Variants in UNC13A observed in about 807,000 individuals in gnomAD.
UNC13A encodes the protein protein unc-13 homolog A.
In UNC13A, 61 loss-of-function variants were observed where a neutral mutation model predicts 219.7. The observed-to-expected ratio is 0.28, with a 90% CI of 0.23 to 0.34. UNC13A has a LOEUF of 0.34. Ranked by LOEUF, UNC13A falls within the 10% of genes least tolerant of loss-of-function variation. UNC13A has a pLI of 1.00. For missense variants in UNC13A, 1,476 were observed against 2,270.3 expected (o/e 0.65, Z 7.11); for synonymous variants, 920 against 884.6 (o/e 1.04, Z -0.71).
At chr19:17,679,230 T>A (rs1312171480) in intron 1 of UNC13A, among the ~76,000 whole-genome samples, 1 of 151,726 alleles carries the variant, frequency 6.6e-6, no homozygotes, top group Non-Finnish European at 1.5e-5. Context: ...TAAAACCCCA[T>A]CTCTATTAAA....
intron 43 of UNC13A, among the ~76,000 whole-genome samples, chr19:17,608,270 A>C (rs1339775031): frequency 1.4e-5 from 2 of 140,396 alleles, no homozygotes; most frequent in Non-Finnish European, 3.0e-5. Context: ...TATATAATAT[A>C]TATACTTTTA....
At chr19:17,611,950 G>T in intron 41 of UNC13A, 95 bp from the exon 42 acceptor site, 1 of 1,078,354 alleles carries the variant, frequency 9.3e-7, no homozygotes, top group Non-Finnish European at 1.4e-6. Flanking sequence ...TGTGCTGGCG[G>T]CACCAGGTCA....
chr19:17,657,476 G>A (rs2079478337), intron 9 of UNC13A, among the ~76,000 whole-genome samples: 4 of 152,300 alleles, frequency 2.6e-5, no homozygotes, highest in African/African-American at 9.6e-5. Context: ...AACGTCAACA[G>A]CAATATCTGT....
At chr19:17,681,214 A>T (rs182203829) in intron 1 of UNC13A, among the ~76,000 whole-genome samples, 2 of 151,070 alleles carry the variant, frequency 1.3e-5, no homozygotes, top group Admixed American at 6.6e-5. Context: ...GATTCTAATT[A>T]GGGGGGACTG....
intron 1 of UNC13A, among the ~76,000 whole-genome samples, chr19:17,678,204 C>T (rs563710025): frequency 2.0e-5 from 3 of 152,228 alleles, no homozygotes; most frequent in African/African-American, 7.2e-5. Flanking sequence ...CCTGGCCAGG[C>T]GCGGTGGCTC....
chr19:17,662,743 A>G (rs2079572817), intron 8 of UNC13A, among the ~76,000 whole-genome samples: 8 of 152,046 alleles, frequency 5.3e-5, no homozygotes, highest in Admixed American at 4.6e-4. Flanking sequence ...ACACGGTGAA[A>G]CCCCGTCTCT....
intron 37 of UNC13A, 43 bp downstream of exon 37, chr19:17,621,789 G>A (rs1240439477): frequency 1.2e-6 from 2 of 1,609,464 alleles, no homozygotes; most frequent in East Asian, 2.2e-5. Flanking sequence ...CACATGCCCA[G>A]ACACTGGAGC....
At chr19:17,608,722 T>G (rs1366091634) in intron 43 of UNC13A, among the ~76,000 whole-genome samples, 1 of 151,532 alleles carries the variant, frequency 6.6e-6, no homozygotes, top group Non-Finnish European at 1.5e-5. Context: ...TTCACCGTGT[T>G]AGCCAGGATG....
rs1423405927 is a variant in UNC13A, at chr19:17,655,398, C to A, written c.1284-16G>T. ...CGGCCTGAAACTGAGGCAGGGAACG[C>A]TATGAGGCTCTGGGCTGGCTCTCCG... On this transcript the variant is annotated splice_polypyrimidine_tract_variant and intron_variant, in intron 10 of 43. Coordinates refer to ENST00000519716, the MANE Select transcript of UNC13A (RefSeq NM_001080421.3). The A allele has an allele frequency of 6.4e-7, 1 of 1,553,748 alleles. No individual in the cohort carries two copies. Among genetic ancestry groups the A allele is most frequent in the African/African-American group, 1.4e-5 (1 of 73,564 alleles).
intron 31 of UNC13A, 182 bp from the exon 32 acceptor site, chr19:17,628,122 GC>G: frequency 1.6e-6 from 1 of 619,522 alleles, no homozygotes; most frequent in Non-Finnish European, 2.9e-6. Flanking sequence ...TGTTGTTGGG[GC>G]GGGCATCTCT....
intron 41 of UNC13A, 82 bp from the exon 42 acceptor site, chr19:17,611,937 A>C: frequency 7.9e-7 from 1 of 1,263,026 alleles, no homozygotes; most frequent in Non-Finnish European, 1.1e-6. Flanking sequence ...CCTCCCACCC[A>C]CCTGTGCTGG....
intron 4 of UNC13A, among the ~76,000 whole-genome samples, chr19:17,671,890 G>A (rs569953453): frequency 1.3e-5 from 2 of 152,336 alleles, no homozygotes; most frequent in South Asian, 2.1e-4. Flanking sequence ...TAAGCTTCCT[G>A]CTGCTGCCCA....
chr19:17,677,455 C>T (rs190058263), intron 1 of UNC13A, among the ~76,000 whole-genome samples: 44 of 151,958 alleles, frequency 2.9e-4, no homozygotes, highest in African/African-American at 1.0e-3. Context: ...CTTCTACCTC[C>T]CAGATTCAAG....
intron 31 of UNC13A, chr19:17,628,187 T>TG (rs887224020): frequency 3.4e-4 from 189 of 548,970 alleles, no homozygotes; most frequent in Middle Eastern, 4.8e-4. Flanking sequence ...CCAGGCCTGG[T>TG]GGGGGGTCCA....
rs374274547 is a variant in UNC13A, at chr19:17,627,646, G to A, written c.3832-49C>T. On this transcript the variant is annotated intron_variant, in intron 32 of 43. Coordinates refer to ENST00000519716, the MANE Select transcript of UNC13A (RefSeq NM_001080421.3). The surrounding 1 kb of genome is among the most constrained non-coding windows in gnomAD (Gnocchi z 4.7). ...GGCCAGGTTCAGTAAGTATCCACAT[G>A]TACTGGGCATTTTCTCATCTGACCC... The A allele has an allele frequency of 2.2e-4, 319 of 1,467,968 alleles. 1 individual carries two copies. Among genetic ancestry groups the A allele is most frequent in the South Asian group, 5.4e-4 (45 of 82,830 alleles). 90.9% of individuals were successfully genotyped at this position (1,467,968 alleles called of 1,614,324 possible). A position where few individuals can be genotyped will look rare whatever the true frequency, so the allele number is the denominator to read the frequency against.
At chr19:17,616,619 G>C (rs904785532) in intron 41 of UNC13A, among the ~76,000 whole-genome samples, 1 of 152,050 alleles carries the variant, frequency 6.6e-6, no homozygotes, top group Non-Finnish European at 1.5e-5. Flanking sequence ...AAAAACAAGA[G>C]AGAGAGAAAC....
chr19:17,641,681 C>T, intron 20 of UNC13A, 125 bp from the exon 21 acceptor site: 2 of 1,006,510 alleles, frequency 2.0e-6, no homozygotes, highest in Non-Finnish European at 2.9e-6. Context: ...TTCATCTACT[C>T]TTTTATCCAT....
intron 25 of UNC13A, 81 bp downstream of exon 25, chr19:17,639,002 C>T (rs2076939695): frequency 6.9e-7 from 1 of 1,441,192 alleles, no homozygotes. Context: ...GAGTTAAATC[C>T]CTCGGGAAGG....
rs141816987 is a variant in UNC13A at position 17,631,023 on chromosome 19, TTCTCTGAGTCC to T, written c.3429-284_3429-274del. Among the ~76,000 whole-genome samples, 979 of 128,154 alleles carry T rather than the reference TTCTCTGAGTCC, an allele frequency of 7.6e-3. 9 individuals carry two copies. Among genetic ancestry groups the T allele is most frequent in the African/African-American group, 0.028 (865 of 30,438 alleles). 84.1% of individuals were successfully genotyped at this position (128,154 alleles called of 152,430 possible). On this transcript the variant is annotated intron_variant, in intron 28 of 43. Coordinates refer to ENST00000519716, the MANE Select transcript of UNC13A (RefSeq NM_001080421.3). The stretch of plus-strand genomic sequence containing the variant: ...AAGCTGCCCATGGCAAGTGGGTTTA[TTCTCTGAGTCC>T]TCTCTGAGTCCTCCGTCCATCCTTC...
Sources: allele counts gnomAD v4.1 joint callset (sites outside exome capture counted in the v4.1 genomes callset), GRCh38; gene constraint gnomAD v4.1.1; non-coding constraint Gnocchi (gnomAD v3.1); transcripts MANE v1.5; gene names NCBI Gene and HGNC (gene_info 2026-07-23, HGNC 2026-07-21).